Variants in HPCAL1 observed in about 807,000 individuals in gnomAD.
HPCAL1 encodes the protein hippocalcin like 1, also known as hippocalcin-like protein 1.
In HPCAL1, 8 loss-of-function variants were observed where a neutral mutation model predicts 17.1. That is an observed-to-expected ratio of 0.47 (90% CI 0.27 to 0.84). The LOEUF is 0.84. HPCAL1 is among the 40% of genes least tolerant of loss of function. The pLI, the probability that HPCAL1 is intolerant of heterozygous loss-of-function variation, is 0.13. For missense variants in HPCAL1, 165 were observed against 271.1 expected (o/e 0.61, Z 2.75); for synonymous variants, 112 against 111.4 (o/e 1.01, Z -0.03).
At chr2:10,423,432 A>C (rs991989776) in intron 4 of HPCAL1, 10 of 246,258 alleles carry the variant, frequency 4.1e-5, no homozygotes, top group Non-Finnish European at 8.2e-5. Context: ...GGAGGGGTTG[A>C]GATCAAAGGA....
chr2:10,406,883 T>C (rs1348796053), intron 2 of HPCAL1, among the ~76,000 whole-genome samples: 1 of 152,226 alleles, frequency 6.6e-6, no homozygotes, highest in Non-Finnish European at 1.5e-5. Context: ...GAGCATTCTC[T>C]TGGGCGTTTC....
chr2:10,374,792 G>T (rs1259164136), intron 1 of HPCAL1, among the ~76,000 whole-genome samples: 1 of 152,248 alleles, frequency 6.6e-6, no homozygotes, highest in African/African-American at 2.4e-5. Flanking sequence ...CCGTGGCCCT[G>T]CCTGTAATCT....
At chr2:10,317,486 C>T (rs1289590886) in intron 1 of HPCAL1, among the ~76,000 whole-genome samples, 3 of 150,888 alleles carry the variant, frequency 2.0e-5, no homozygotes, top group African/African-American at 4.9e-5. Flanking sequence ...GGCGTGATCT[C>T]GGTTCACTGC....
intron 1 of HPCAL1, among the ~76,000 whole-genome samples, chr2:10,357,560 G>A (rs116764206): frequency 2.7e-3 from 418 of 152,218 alleles, no homozygotes; most frequent in African/African-American, 9.4e-3. Context: ...TTTCCTCCGC[G>A]GAGTGTGTTA....
rs1666950984 is a variant in HPCAL1 at position 10,367,993 on chromosome 2, T to G, written c.-110-28842T>G. 6.6e-6 allele frequency among the ~76,000 whole-genome samples: 1 copy of G among 151,712 alleles called. No homozygotes were observed. The highest frequency in any genetic ancestry group is 1.5e-5 in the Non-Finnish European group (1 of 67,944). Reference sequence around the variant, plus strand: ...ATGTGTGTATATACCTGTGTAGGTGTGTATGTGTGTACATGTGCATTGTAG... The same window carrying G: ...ATGTGTGTATATACCTGTGTAGGTGGGTATGTGTGTACATGTGCATTGTAG... On this transcript the variant is annotated intron_variant, in intron 1 of 4. Coordinates refer to ENST00000307845, the MANE Select transcript of HPCAL1 (RefSeq NM_002149.4). This position sits in a 1 kb window ranked among gnomAD's most constrained non-coding sequence, Gnocchi z 4.4.
Position 10,329,752 on chromosome 2 carries a change from C to T in HPCAL1, c.-111+26575C>T, listed in dbSNP as rs534125910. Among the ~76,000 whole-genome samples the T allele has an allele frequency of 5.9e-5, 9 of 152,362 alleles. No individual in the cohort carries two copies. The East Asian group carries it at 1.7e-3, about 29-fold the overall frequency. On this transcript the variant is annotated intron_variant, in intron 1 of 4. Coordinates refer to ENST00000307845, the MANE Select transcript of HPCAL1 (RefSeq NM_002149.4). ...CGTGGATCCCAGCCCTGCCCAGGCC[C>T]AGATCCTGGGCTCCAGGTGGGCCTG...
At chr2:10,391,326 C>T (rs760562808) in intron 1 of HPCAL1, among the ~76,000 whole-genome samples, 5 of 152,196 alleles carry the variant, frequency 3.3e-5, no homozygotes, top group African/African-American at 4.8e-5. Context: ...GGAAGCTCTA[C>T]ACTCTGTCCC....
chr2:10,333,826 T>C (rs980100281), intron 1 of HPCAL1, among the ~76,000 whole-genome samples: 1 of 152,144 alleles, frequency 6.6e-6, no homozygotes, highest in Non-Finnish European at 1.5e-5. Flanking sequence ...GCATAAAGTC[T>C]AGAAACATAG....
chr2:10,385,981 C>T (rs554836024), intron 1 of HPCAL1, among the ~76,000 whole-genome samples: 66 of 152,302 alleles, frequency 4.3e-4, no homozygotes, highest in Non-Finnish European at 8.4e-4. Flanking sequence ...TGAGCATGTG[C>T]TGGCCTTGGG....
chr2:10,392,382 A>G (rs999224416), intron 1 of HPCAL1, among the ~76,000 whole-genome samples: 1 of 152,180 alleles, frequency 6.6e-6, no homozygotes, highest in Non-Finnish European at 1.5e-5. Flanking sequence ...TTCAGTAGTG[A>G]AGCTATTTGG....
chr2:10,332,468 C>T (rs1664443598), intron 1 of HPCAL1, among the ~76,000 whole-genome samples: 1 of 151,814 alleles, frequency 6.6e-6, no homozygotes, highest in African/African-American at 2.4e-5. Flanking sequence ...TCTAGAACAG[C>T]TTCTGCCTAG....
chr2:10,372,719 C>T (rs1262054633), intron 1 of HPCAL1, among the ~76,000 whole-genome samples: 1 of 152,268 alleles, frequency 6.6e-6, no homozygotes, highest in Non-Finnish European at 1.5e-5. Flanking sequence ...GGCCAGAGCA[C>T]ACCTGTGCTG....
intron 1 of HPCAL1, among the ~76,000 whole-genome samples, chr2:10,348,535 G>A (rs139694290): frequency 1.3e-5 from 2 of 152,034 alleles, no homozygotes; most frequent in South Asian, 2.1e-4. Context: ...AGACCAAGGT[G>A]GGGGGATCGC....
chr2:10,402,027 G>A (rs1203424370), intron 2 of HPCAL1, among the ~76,000 whole-genome samples: 2 of 152,190 alleles, frequency 1.3e-5, no homozygotes, highest in Non-Finnish European at 2.9e-5. Flanking sequence ...AGCCTCCTGA[G>A]TAGCTGGGAT....
chr2:10,344,047 C>G lies in HPCAL1; in HGVS notation c.-111+40870C>G, dbSNP rs537532957. On this transcript the variant is annotated intron_variant, in intron 1 of 4. Transcript: ENST00000307845. This position sits in a 1 kb window ranked among gnomAD's most constrained non-coding sequence, Gnocchi z 4.9. Reference sequence around the variant, plus strand: ...GTTGCTTTCTAACTGGGTTACTGAGCTGTCGAAGGAGCAGGGATGAAGACT... The same window carrying G: ...GTTGCTTTCTAACTGGGTTACTGAGGTGTCGAAGGAGCAGGGATGAAGACT... 6.6e-6 allele frequency among the ~76,000 whole-genome samples: 1 copy of G among 152,316 alleles called. No individual in the cohort carries two copies. Among genetic ancestry groups the G allele is most frequent in the Admixed American group, 6.5e-5 (1 of 15,302 alleles).
rs1340739797 is a variant in HPCAL1, at chr2:10,326,048, G to T, written c.-111+22871G>T. 2.0e-5 allele frequency among the ~76,000 whole-genome samples: 3 copies of T among 152,196 alleles called. No homozygotes were observed. In the South Asian group the frequency reaches 6.2e-4, roughly 32 times the overall value. On this transcript the variant is annotated intron_variant, in intron 1 of 4. Transcript: ENST00000307845. ...AGTGAGGCCCACGAGGCTGCAGAGG[G>T]CCATGAGATTCAAGGATGGTGTTCG...
chr2:10,391,978 G>A (rs889333941), intron 1 of HPCAL1, among the ~76,000 whole-genome samples: 29 of 152,092 alleles, frequency 1.9e-4, no homozygotes, highest in African/African-American at 6.5e-4. Context: ...TTGAACTCCT[G>A]ACCTCGTGAT....
chr2:10,392,785 C>A (rs894711694), intron 1 of HPCAL1, among the ~76,000 whole-genome samples: 1 of 152,204 alleles, frequency 6.6e-6, no homozygotes, highest in African/African-American at 2.4e-5. Flanking sequence ...CTGGCCTTGC[C>A]ACCTCCCTCT....
At chr2:10,303,715 T>G (rs1021779907) in intron 1 of HPCAL1, 2 of 152,028 alleles carry the variant, frequency 1.3e-5, no homozygotes, top group Non-Finnish European at 2.9e-5. Context: ...CTGCCAAGGG[T>G]GGGGGCCCAC....
Sources: allele counts gnomAD v4.1 joint callset (sites outside exome capture counted in the v4.1 genomes callset), GRCh38; gene constraint gnomAD v4.1.1; non-coding constraint Gnocchi (gnomAD v3.1); transcripts MANE v1.5; gene names NCBI Gene and HGNC (gene_info 2026-07-23, HGNC 2026-07-21).